MS4A7: variants seen among roughly 807,000 people sequenced by gnomAD.
The protein encoded by MS4A7 is membrane spanning 4-domains A7, also known as membrane-spanning 4-domains subfamily A member 7.
A neutral mutation model predicts 23.5 loss-of-function variants in MS4A7; 21 were observed. The ratio of observed to expected loss-of-function variants is 0.89; its 90% CI spans 0.63 to 1.29. The LOEUF is 1.29. Ranked by LOEUF, MS4A7 falls within the 50% of genes most tolerant of loss-of-function variation. The probability of loss-of-function intolerance (pLI) is 0.00; values close to 1 mark genes in which losing one functional copy is unlikely to be tolerated. For missense variants in MS4A7, 263 were observed against 274.2 expected (o/e 0.96, Z 0.29); for synonymous variants, 111 against 107.4 (o/e 1.03, Z -0.21).
chr11:60,383,187 C>A lies in MS4A7; in HGVS notation c.46C>A (p.Pro16Thr). ...CATGGGGGTTTCTCACAGCTTTACACCAAAGGGCATCACTATCCCTCAAAG... is the reference window on the plus strand; with the variant it reads ...CATGGGGGTTTCTCACAGCTTTACAACAAAGGGCATCACTATCCCTCAAAG... ...QTMGVSHSFT[P>T]KGITIPQREK... Residue 16 changes from proline to threonine, a missense_variant, in exon 2 of 7, where the codon CCA (proline) becomes ACA (threonine). By Grantham distance (38) the Pro-to-Thr change is conservative (BLOSUM62 -1). Transcript: ENST00000300184. 1.2e-6 allele frequency: 2 copies of A among 1,614,130 alleles called. No individual in the cohort carries two copies.
Position 60,392,556 on chromosome 11 carries a change from A to G in MS4A7, c.547-129A>G, listed in dbSNP as rs1191558079. 4.7e-6 allele frequency: 3 copies of G among 641,028 alleles called. No homozygotes were observed. The African/African-American group carries it at 5.6e-5, about 12-fold the overall frequency. 39.7% of individuals were successfully genotyped at this position (641,028 alleles called of 1,614,324 possible). A position where few individuals can be genotyped will look rare whatever the true frequency, so the allele number is the denominator to read the frequency against. Reference sequence around the variant, plus strand: ...AAGAAATCTGAAAAAGAAAGCAGAAAAGAGGATTAAGCAATTTTCCCTGTC... The same window carrying G: ...AAGAAATCTGAAAAAGAAAGCAGAAGAGAGGATTAAGCAATTTTCCCTGTC... On this transcript the variant is annotated intron_variant, in intron 5 of 6. Transcript: ENST00000300184.
intron 2 of MS4A7, among the ~76,000 whole-genome samples, chr11:60,384,116 T>G (rs2085459432): frequency 6.6e-6 from 1 of 152,156 alleles, no homozygotes; most frequent in East Asian, 1.9e-4. Context: ...CACTGCCTAT[T>G]TAGATGGATC....
intron 6 of MS4A7, 90 bp from the exon 7 acceptor site, chr11:60,393,696 AC>A: frequency 2.2e-6 from 2 of 911,092 alleles, no homozygotes; most frequent in Non-Finnish European, 3.4e-6. Flanking sequence ...AACTAGTACT[AC>A]ACAAAACTTG....
At chr11:60,381,609 T>A (rs1242226765) in intron 1 of MS4A7, among the ~76,000 whole-genome samples, 2 of 152,238 alleles carry the variant, frequency 1.3e-5, no homozygotes, top group Non-Finnish European at 2.9e-5. Context: ...TGAGGGAAAG[T>A]ATCCTGCCTA....
chr11:60,381,235 C>T (rs1033154779), intron 1 of MS4A7, among the ~76,000 whole-genome samples: 7 of 152,200 alleles, frequency 4.6e-5, no homozygotes, highest in Non-Finnish European at 8.8e-5. Context: ...ACCCTGACTC[C>T]ACTGCAGGGA....
chr11:60,386,367 C>G, intron 3 of MS4A7: 1 of 216,562 alleles, frequency 4.6e-6, no homozygotes, highest in Non-Finnish European at 9.0e-6. Context: ...ATCTCTCTGT[C>G]CATTCAAGTC....
chr11:60,394,009 G>A lies in MS4A7; in HGVS notation c.*148G>A, dbSNP rs541641042. The A allele has an allele frequency of 1.7e-4, 77 of 459,518 alleles. No homozygotes were observed. The highest frequency in any genetic ancestry group is 1.4e-3 in the African/African-American group (68 of 48,542). The allele number at this position is 459,518 out of a possible 1,614,324, so 28.5% of individuals were successfully genotyped here. A position where few individuals can be genotyped will look rare whatever the true frequency, so the allele number is the denominator to read the frequency against. On this transcript the variant is annotated 3_prime_UTR_variant, in exon 7 of 7. Coordinates refer to ENST00000300184, the MANE Select transcript of MS4A7 (RefSeq NM_021201.5). ...GTTTTGTATTTGTTTACTATGAGTC[G>A]TTATTTAATTTCTCTTGAAAATAAT...
At chr11:60,386,804 G>A in intron 4 of MS4A7, 31 bp downstream of exon 4, 1 of 1,537,838 alleles carries the variant, frequency 6.5e-7, no homozygotes, top group East Asian at 2.3e-5. Flanking sequence ...ATCTCAGCTG[G>A]TTGGAATTGA....
chr11:60,385,009 A>G (rs2233243), intron 2 of MS4A7, 79 bp from the exon 3 acceptor site: 397,933 of 1,334,412 alleles, frequency 0.3, 61,386 homozygotes, highest in Middle Eastern at 0.49. Flanking sequence ...TATACTCTTT[A>G]TACTTTACCG....
chr11:60,393,740 C>A, intron 6 of MS4A7, 47 bp from the exon 7 acceptor site: 1 of 1,464,794 alleles, frequency 6.8e-7, no homozygotes, highest in South Asian at 1.2e-5. Flanking sequence ...CTTTTTTAAT[C>A]TCCGAAATCA....
Position 60,389,472 on chromosome 11 carries a change from C to A in MS4A7, c.422C>A (p.Ala141Asp). ...TTCCTCCTTGCTGACAGCATGGTAGCCCTGAGGACTGCCTCTCAACATTGT... is the reference window on the plus strand; with the variant it reads ...TTCCTCCTTGCTGACAGCATGGTAGACCTGAGGACTGCCTCTCAACATTGT... ...GLFLLADSMV[A>D]LRTASQHCGS... The change falls in exon 5 of 7, where the codon GCC becomes GAC. Residue 141 changes from alanine to aspartate, a missense_variant. Physicochemically the swap from Ala to Asp is moderately radical, Grantham distance 126 (BLOSUM62 -2). Coordinates refer to ENST00000300184, the MANE Select transcript of MS4A7 (RefSeq NM_021201.5). The A allele has an allele frequency of 1.9e-6, 3 of 1,614,016 alleles. No individual in the cohort carries two copies. Among genetic ancestry groups the A allele is most frequent in the Non-Finnish European group, 1.7e-6 (2 of 1,179,902 alleles).
At chr11:60,382,246 GGAAGAGGAA>G (rs1241019517) in intron 1 of MS4A7, among the ~76,000 whole-genome samples, 1 of 152,162 alleles carries the variant, frequency 6.6e-6, no homozygotes, top group Non-Finnish European at 1.5e-5. Context: ...AAGAAAGGAA[GGAAGAGGAA>G]GAGGAGGAGA....
chr11:60,389,647 C>G, intron 5 of MS4A7, 51 bp downstream of exon 5: 1 of 1,503,750 alleles, frequency 6.7e-7, no homozygotes, highest in Non-Finnish European at 9.2e-7. Context: ...CTGTGTCTCC[C>G]CTTTGCATAC....
chr11:60,392,791 G>A lies in MS4A7; in HGVS notation c.648+5G>A, dbSNP rs1176349971. 1 of 1,600,548 alleles carries A rather than the reference G, an allele frequency of 6.2e-7. No individual in the cohort carries two copies. The highest frequency in any genetic ancestry group is 1.3e-5 in the African/African-American group (1 of 74,600). On this transcript the variant is annotated splice_donor_5th_base_variant and intron_variant, in intron 6 of 6. Transcript: ENST00000300184. ...CTCTACTCCAACAACCCTGGGGTGA[G>A]TATGCTGACATGTCGCCTGATACCT...
chr11:60,386,275 A>G (rs1453849638), intron 3 of MS4A7, among the ~76,000 whole-genome samples: 3 of 152,252 alleles, frequency 2.0e-5, no homozygotes, highest in African/African-American at 7.2e-5. Flanking sequence ...CAAGCAACAT[A>G]CACCAATAAC....
At chr11:60,386,059 G>A (rs954432840) in intron 3 of MS4A7, among the ~76,000 whole-genome samples, 21 of 152,164 alleles carry the variant, frequency 1.4e-4, no homozygotes, top group Non-Finnish European at 1.0e-4. Context: ...AGAAGCTAGC[G>A]TTAGCTCATA....
At chr11:60,379,736 T>G (rs919602467) in intron 1 of MS4A7, among the ~76,000 whole-genome samples, 1 of 152,220 alleles carries the variant, frequency 6.6e-6, no homozygotes, top group East Asian at 1.9e-4. Flanking sequence ...GGTTTCACCA[T>G]GTTGGCCACG....
chr11:60,381,926 T>G (rs17154874), intron 1 of MS4A7, among the ~76,000 whole-genome samples: 3,378 of 152,104 alleles, frequency 0.022, 157 homozygotes, highest in African/African-American at 0.077. Context: ...TAGGAAGAGA[T>G]TCTAGGTGTC....
chr11:60,389,233 A>G, intron 4 of MS4A7, 157 bp from the exon 5 acceptor site: 2 of 604,848 alleles, frequency 3.3e-6, no homozygotes, highest in Non-Finnish European at 5.9e-6. Flanking sequence ...AATAGCGACA[A>G]GAGATACAAA....
Sources: gnomAD v4.1 joint callset for allele counts (sites outside exome capture counted in the v4.1 genomes callset) on GRCh38, gnomAD v4.1.1 for gene constraint, MANE v1.5 for transcripts, NCBI Gene and HGNC (gene_info 2026-07-23, HGNC 2026-07-21) for gene names.